The following TRAM2 variants were observed in gnomAD, a reference collection of about 807,000 sequenced individuals.
The protein encoded by TRAM2 is translocation associated membrane protein 2.
Under a neutral mutation model 51.0 loss-of-function variants are expected in TRAM2, and 12 were observed. That is an observed-to-expected ratio of 0.24 (90% CI 0.15 to 0.38). TRAM2 has a LOEUF of 0.38. Ranked by LOEUF, TRAM2 falls within the 10% of genes least tolerant of loss-of-function variation. The pLI is 1.00. For synonymous variants in TRAM2, 175 were observed against 179.4 expected (o/e 0.98, Z 0.20); for missense variants, 361 against 462.0 (o/e 0.78, Z 2.00).
intron 1 of TRAM2, among the ~76,000 whole-genome samples, chr6:52,572,568 A>G (rs1336819414): frequency 6.6e-6 from 1 of 152,142 alleles, no homozygotes; most frequent in Non-Finnish European, 1.5e-5. Context: ...GCACCACTGC[A>G]CTCCAGCCTG....
rs1189616958 is a variant in TRAM2, at chr6:52,508,242, C to T, written c.547G>A (p.Val183Ile). The change falls in exon 6 of 11, where the codon GTA becomes ATA. Residue 183 changes from valine (V) to isoleucine (I), a missense_variant. Coordinates refer to ENST00000182527, the MANE Select transcript of TRAM2 (RefSeq NM_012288.4). ...GAGAAGTGAGCACTCACCTTCCGTA[C>T]CTTCTGGAAGTATAGCTCAGGAAGT... Reference protein sequence around the residue: ...HALPELYFQKVRKEEIPRQLQ... With the variant: ...HALPELYFQKIRKEEIPRQLQ... 6.2e-7 allele frequency: 1 copy of T among 1,614,042 alleles called. No homozygotes were observed.
chr6:52,560,289 A>T (rs1767477602), intron 1 of TRAM2, among the ~76,000 whole-genome samples: 1 of 152,114 alleles, frequency 6.6e-6, no homozygotes, highest in South Asian at 2.1e-4. Flanking sequence ...TATAAAGTTG[A>T]AAGCTGAAGT....
At chr6:52,546,998 AC>A (rs1357878569) in intron 1 of TRAM2, among the ~76,000 whole-genome samples, 1 of 152,164 alleles carries the variant, frequency 6.6e-6, no homozygotes, top group African/African-American at 2.4e-5. Context: ...ACCAGAGGTC[AC>A]TGGTAAATGC....
At position 52,504,757 on chromosome 6, in the gene TRAM2, G is replaced by A. The variant is rs771197292; in HGVS notation, c.876-3C>T. On this transcript the variant is annotated splice_polypyrimidine_tract_variant and splice_region_variant and intron_variant, in intron 9 of 10. Transcript: ENST00000182527. ...ACACCAGCAGCAGCACGCAGAGCCT[G>A]CAGAGCAGGGGGTTAGGGGCTTAGG... The A allele has an allele frequency of 6.3e-7, 1 of 1,598,672 alleles. No homozygotes were observed. Among genetic ancestry groups the A allele is most frequent in the Non-Finnish European group, 8.5e-7 (1 of 1,174,678 alleles).
chr6:52,511,755 T>C (rs1766455543), intron 4 of TRAM2, among the ~76,000 whole-genome samples: 1 of 152,034 alleles, frequency 6.6e-6, no homozygotes, highest in Non-Finnish European at 1.5e-5. Context: ...TGGGCCTCCA[T>C]GAGCACAATA....
At chr6:52,573,877 C>G (rs1159875233) in intron 1 of TRAM2, among the ~76,000 whole-genome samples, 1 of 152,134 alleles carries the variant, frequency 6.6e-6, no homozygotes, top group Non-Finnish European at 1.5e-5. Context: ...GGGACCCAGC[C>G]CATTGGCAGA....
Position 52,498,333 on chromosome 6 carries a change from A to G in TRAM2, c.*4864T>C, listed in dbSNP as rs1231310147. 1.3e-5 allele frequency: 2 copies of G among 152,608 alleles called. No homozygotes were observed. Among genetic ancestry groups the G allele is most frequent in the Non-Finnish European group, 2.9e-5 (2 of 68,036 alleles). The allele number at this position is 152,608 out of a possible 1,614,324, so 9.5% of individuals were successfully genotyped here. A position where few individuals can be genotyped will look rare whatever the true frequency, so the allele number is the denominator to read the frequency against. ...GGGTTGCTGCGACTAAAACAAGGTA[A>G]CACTGAATTAGGAGCTCGAACAGTT... On this transcript the variant is annotated 3_prime_UTR_variant, in exon 11 of 11. Coordinates refer to ENST00000182527, the MANE Select transcript of TRAM2 (RefSeq NM_012288.4).
Position 52,537,731 on chromosome 6 carries a change from T to TCCCA in TRAM2, c.121-1886_121-1885insTGGG, listed in dbSNP as rs1419551734. Among the ~76,000 whole-genome samples, 12 of 1,428 alleles carry TCCCA rather than the reference T, an allele frequency of 8.4e-3. No homozygotes were observed. In the East Asian group the frequency reaches 0.3, roughly 36 times the overall value. The allele number at this position is 1,428 out of a possible 152,430, so 0.9% of individuals were successfully genotyped here. On this transcript the variant is annotated intron_variant, in intron 1 of 10. Transcript: ENST00000182527. ...CACAGGCAGGGACTGTGCCGTCCCGTTCCCATTTATCCTCGCAGCCCCTCT... is the reference window on the plus strand; with the variant it reads ...CACAGGCAGGGACTGTGCCGTCCCGTCCCATCCCATTTATCCTCGCAGCCCCTCT...
At position 52,516,057 on chromosome 6, in the gene TRAM2, C is replaced by A. The variant is rs770893524; in HGVS notation, c.360G>T (p.Leu120=). 1 of 1,614,178 alleles carries A rather than the reference C, an allele frequency of 6.2e-7. No individual in the cohort carries two copies. The highest frequency in any genetic ancestry group is 1.7e-5 in the Admixed American group (1 of 60,028). ...KHSKFNESGQ[L]VVFHFTSVIW... The stretch of plus-strand genomic sequence containing the variant: ...TCACCGAGGTGAAATGAAAGACGAC[C>A]AGCTGTCCAGATTCATTGAACTTGC... The change falls in exon 4 of 11, where the codon CTG becomes CTT. Residue 120 remains leucine, a synonymous_variant. Coordinates refer to ENST00000182527, the MANE Select transcript of TRAM2 (RefSeq NM_012288.4).
intron 10 of TRAM2, among the ~76,000 whole-genome samples, chr6:52,503,875 G>A (rs981436275): frequency 4.6e-5 from 7 of 152,140 alleles, no homozygotes; most frequent in African/African-American, 1.2e-4. Context: ...TACCTCCCCC[G>A]CCAGCCAGGC....
rs191993510 is a variant in TRAM2 at position 52,521,232 on chromosome 6, A to T, written c.185-4495T>A. On this transcript the variant is annotated intron_variant, in intron 2 of 10. Coordinates refer to ENST00000182527, the MANE Select transcript of TRAM2 (RefSeq NM_012288.4). ...GCCCTATCTTCCTACTTTTGATCAG[A>T]GGAGGAAAGTAGTAGGTTGGTGCAA... Among the ~76,000 whole-genome samples, 8 of 152,028 alleles carry T rather than the reference A, an allele frequency of 5.3e-5. No individual in the cohort carries two copies. The East Asian group carries it at 1.6e-3, about 29-fold the overall frequency.
chr6:52,576,921 C>T lies in TRAM2; in HGVS notation c.-6G>A, dbSNP rs760630513. The T allele has an allele frequency of 1.2e-6, 2 of 1,608,260 alleles. No homozygotes were observed. Among genetic ancestry groups the T allele is most frequent in the African/African-American group, 1.3e-5 (1 of 74,750 alleles). ...GTCCTCCTGCGGAAAGCCATGGCAG[C>T]GGGCGCGCAGCGGCCGGCGGGGCCC... On this transcript the variant is annotated 5_prime_UTR_variant, in exon 1 of 11. Transcript: ENST00000182527.
In TRAM2 at chr6:52,504,726, C is replaced by T. The variant is rs780643582; in HGVS notation, c.904G>A (p.Ala302Thr). The T allele has an allele frequency of 2.5e-5, 40 of 1,609,286 alleles. No individual in the cohort carries two copies. Among genetic ancestry groups the T allele is most frequent in the South Asian group, 5.5e-5 (5 of 90,382 alleles). ...RLCVLLLVCA[A>T]QAWLMWRFIH... ...AAGCGCCACATGAGCCAGGCCTGGG[C>T]GGCACACACCAGCAGCAGCACGCAG... Residue 302 changes from alanine to threonine, a missense_variant, in exon 10 of 11, where the codon GCC (alanine) becomes ACC (threonine). Physicochemically the swap from Ala to Thr is moderately conservative, Grantham distance 58. Coordinates refer to ENST00000182527, the MANE Select transcript of TRAM2 (RefSeq NM_012288.4).
chr6:52,529,998 T>C (rs374368870), intron 2 of TRAM2: 4 of 152,246 alleles, frequency 2.6e-5, no homozygotes, highest in African/African-American at 7.2e-5. Flanking sequence ...TTTTATTCCT[T>C]GCCAGAACCG....
intron 1 of TRAM2, among the ~76,000 whole-genome samples, chr6:52,570,424 T>G (rs1443357334): frequency 1.3e-5 from 2 of 152,184 alleles, no homozygotes; most frequent in African/African-American, 4.8e-5. Flanking sequence ...AAGCAGCCGG[T>G]GGCTACATTC....
chr6:52,560,675 C>T (rs911747942), intron 1 of TRAM2, among the ~76,000 whole-genome samples: 5 of 152,350 alleles, frequency 3.3e-5, no homozygotes, highest in Admixed American at 2.6e-4. Context: ...ACTCTAACAA[C>T]ATTTGCTCTG....
At chr6:52,518,010 CACTGGGCTA>C (rs759248717) in intron 2 of TRAM2, among the ~76,000 whole-genome samples, 1 of 152,218 alleles carries the variant, frequency 6.6e-6, no homozygotes, top group Non-Finnish European at 1.5e-5. Flanking sequence ...CTGTGAGAGG[CACTGGGCTA>C]ACTGTTGAAA....
At chr6:52,503,652 TCTCAGGCCC>T (rs1360958587) in intron 10 of TRAM2, among the ~76,000 whole-genome samples, 69 of 152,222 alleles carry the variant, frequency 4.5e-4, no homozygotes, top group Admixed American at 9.8e-4. Context: ...CCTCAGTTCT[TCTCAGGCCC>T]CTGCAAGGCA....
At chr6:52,561,593 C>G (rs964366409) in intron 1 of TRAM2, among the ~76,000 whole-genome samples, 1 of 151,614 alleles carries the variant, frequency 6.6e-6, no homozygotes, top group Non-Finnish European at 1.5e-5. Flanking sequence ...TCACACCATT[C>G]TCCTGTCTCA....
Sources: allele counts gnomAD v4.1 joint callset (sites outside exome capture counted in the v4.1 genomes callset), GRCh38; gene constraint gnomAD v4.1.1; transcripts MANE v1.5; gene names NCBI Gene and HGNC (gene_info 2026-07-23, HGNC 2026-07-21).